ZDHHC24: variants seen among roughly 807,000 people sequenced by gnomAD.
ZDHHC24 encodes the protein probable palmitoyltransferase ZDHHC24.
Under a neutral mutation model 23.2 loss-of-function variants are expected in ZDHHC24, and 17 were observed. The ratio of observed to expected loss-of-function variants is 0.73; its 90% confidence interval spans 0.50 to 1.10. The LOEUF (loss-of-function observed/expected upper bound fraction) is 1.10, where lower values mean the gene tolerates loss of function less well. Among genes scored for constraint, ZDHHC24 ranks in the 50% least tolerant of loss-of-function variants. ZDHHC24 has a pLI of 0.00. For synonymous variants in ZDHHC24, 186 were observed against 194.5 expected (o/e 0.96, Z 0.36); for missense variants, 366 against 393.0 (o/e 0.93, Z 0.58).
rs759906266 is a variant in ZDHHC24 at position 66,545,730 on chromosome 11, C to T, written c.274G>A (p.Gly92Ser). The T allele has an allele frequency of 1.3e-6, 2 of 1,571,244 alleles. No homozygotes were observed. The highest frequency in any genetic ancestry group is 1.8e-5 in the Admixed American group (1 of 55,982). Reference protein sequence around the residue: ...VMLAGRGLGQGWAYCYQCQSQ... With the variant: ...VMLAGRGLGQSWAYCYQCQSQ... ...ATCCCGCACCCCACTCACGCCCAGC[C>T]CTGGCCCAGACCGCGGCCGGCCAGC... The change falls in exon 1 of 3, where the codon GGC (glycine) becomes AGC (serine). Residue 92 changes from glycine (G) to serine (S), a missense_variant. Coordinates refer to ENST00000310442, the MANE Select transcript of ZDHHC24 (RefSeq NM_207340.3). The surrounding 1 kb of genome is among the most constrained non-coding windows in gnomAD (Gnocchi z 4.5).
chr11:66,526,296 G>C, intron 4 of ZDHHC24: 1 of 1,220,730 alleles, frequency 8.2e-7, no homozygotes, highest in South Asian at 1.3e-5. Flanking sequence ...GGGTGGACCT[G>C]GGTGTGGAAA....
downstream of ZDHHC24, chr11:66,520,641 T>C (rs1278980219): frequency 1.2e-5 from 2 of 161,062 alleles, no homozygotes; most frequent in South Asian, 3.4e-4. Flanking sequence ...TACCATAATT[T>C]ATTTACCCTG....
At position 66,543,942 on chromosome 11, in the gene ZDHHC24, G is replaced by T. The variant is rs767938074; in HGVS notation, c.321C>A (p.Ser107Arg). Residue 107 changes from serine (S) to arginine (R), a missense_variant, in exon 2 of 3, where the codon AGC becomes AGA. Physicochemically the swap from Ser to Arg is moderately radical, Grantham distance 110 (BLOSUM62 -1). Coordinates refer to ENST00000310442, the MANE Select transcript of ZDHHC24 (RefSeq NM_207340.3). Reference protein sequence around the residue: ...YQCQSQVPPRSGHCSACRVCI... With the variant: ...YQCQSQVPPRRGHCSACRVCI... ...AGACGCGGCAGGCAGAGCAGTGTCC[G>T]CTGCGTGGCGGCACCTGGCTTTGGC... 6.2e-7 allele frequency: 1 copy of T among 1,613,660 alleles called. No individual in the cohort carries two copies.
chr11:66,542,767 A>G, intron 2 of ZDHHC24: 1 of 153,066 alleles, frequency 6.5e-6, no homozygotes, highest in Non-Finnish European at 1.5e-5. Flanking sequence ...GTCTTCCGTG[A>G]CTGAGGGGAG....
chr11:66,526,533 G>A (rs1856501444), intron 4 of ZDHHC24: 2 of 1,308,530 alleles, frequency 1.5e-6, no homozygotes, highest in Non-Finnish European at 2.2e-6. Flanking sequence ...GTCTCGTCTG[G>A]AAGACGGATG....
At chr11:66,526,052 C>T (rs1856474267) in intron 4 of ZDHHC24, 1 of 1,412,590 alleles carries the variant, frequency 7.1e-7, no homozygotes, top group South Asian at 1.2e-5. Flanking sequence ...CTGGGGCCTC[C>T]CCTACCCATC....
rs757340465 is a variant in ZDHHC24 at position 66,539,565 on chromosome 11, G to A, written c.819C>T (p.Phe273=). 1.9e-6 allele frequency: 3 copies of A among 1,606,538 alleles called. No individual in the cohort carries two copies. The highest frequency in any genetic ancestry group is 2.6e-6 in the Non-Finnish European group (3 of 1,176,064). ...TGTGTCCCACATCTGCTGTGGTCTG[G>A]AAGGTGATCCCATCCCCAGGCAATG... The part of the protein sequence containing the change: ...ASPLPGDGIT[F]QTTADVGHTA... The change falls in exon 3 of 3, where the codon TTC becomes TTT. Residue 273 remains phenylalanine (F), a synonymous_variant. Transcript: ENST00000310442.
Position 66,543,731 on chromosome 11 carries a change from G to A in ZDHHC24, c.532C>T (p.Leu178=), listed in dbSNP as rs1229072142. Residue 178 remains leucine, a synonymous_variant, in exon 2 of 3, where the codon CTG becomes TTG. Transcript: ENST00000310442. ...HTPLHMAALL[L]LPWLMLLTGR... ...GTGAGCAACATGAGCCAGGGAAGCA[G>A]GAGGAGGGCAGCCATGTGGAGGGGC... 2 of 1,597,620 alleles carry A rather than the reference G, an allele frequency of 1.3e-6. No individual in the cohort carries two copies. The highest frequency in any genetic ancestry group is 1.1e-5 in the South Asian group (1 of 89,440).
chr11:66,544,287 ACT>A (rs1260084247), intron 1 of ZDHHC24, among the ~76,000 whole-genome samples: 2 of 151,720 alleles, frequency 1.3e-5, no homozygotes, highest in African/African-American at 4.9e-5. Context: ...GTCACTAGGA[ACT>A]CTCTGGATTA....
intron 4 of ZDHHC24, among the ~76,000 whole-genome samples, chr11:66,521,930 AG>A (rs1207054911): frequency 2.4e-5 from 3 of 123,472 alleles, no homozygotes; most frequent in East Asian, 5.4e-4. Flanking sequence ...AAAAAAAAGC[AG>A]GGGGGTGCCG....
In ZDHHC24 at chr11:66,523,860, T is replaced by C. The variant is rs540217506; in HGVS notation, c.*22-2394A>G. 5.8e-5 allele frequency: 94 copies of C among 1,613,504 alleles called. 1 individual carries two copies. The South Asian group carries it at 9.2e-4, about 16-fold the overall frequency. ...GTCCGCATTTATCGTGACAAGGCCC[T>C]GCTCAATGTCATCCACACCCCGGTG... On this transcript the variant is annotated intron_variant, in intron 4 of 4. Coordinates refer to the ZDHHC24 transcript ENST00000526986.
Position 66,523,492 on chromosome 11 carries a change from C to T in ZDHHC24, c.*22-2026G>A, listed in dbSNP as rs776322401. 9.3e-6 allele frequency: 15 copies of T among 1,614,008 alleles called. No homozygotes were observed. Among genetic ancestry groups the T allele is most frequent in the African/African-American group, 1.3e-5 (1 of 74,902 alleles). ...ACCCCAAGTACTGCATCGAGCTGAG[C>T]GCCCAGCCTGTGGGACTTATCCGGG... On this transcript the variant is annotated intron_variant, in intron 4 of 4. Coordinates refer to the ZDHHC24 transcript ENST00000526986.
rs1168306880 is a variant in ZDHHC24 at position 66,539,413 on chromosome 11, G to A, written c.*116C>T. ...GGCGGGCAGGGGCAAGGCCAAGGAA[G>A]GGGTGGAGTTGTCCAATGCAGATGT... On this transcript the variant is annotated 3_prime_UTR_variant, in exon 3 of 3. Coordinates refer to ENST00000310442, the MANE Select transcript of ZDHHC24 (RefSeq NM_207340.3). 7.2e-7 allele frequency: 1 copy of A among 1,387,464 alleles called. No homozygotes were observed. The highest frequency in any genetic ancestry group is 9.3e-7 in the Non-Finnish European group (1 of 1,073,330). 85.9% of individuals were successfully genotyped at this position (1,387,464 alleles called of 1,614,324 possible).
At chr11:66,521,945 G>T (rs1423011524) in intron 4 of ZDHHC24, among the ~76,000 whole-genome samples, 1 of 144,300 alleles carries the variant, frequency 6.9e-6, no homozygotes, top group South Asian at 2.2e-4. Flanking sequence ...GGTGCCGGGT[G>T]CATTGCCTCA....
downstream of ZDHHC24, among the ~76,000 whole-genome samples, chr11:66,534,883 A>G (rs761478434): frequency 7.9e-5 from 12 of 151,460 alleles, no homozygotes; most frequent in Non-Finnish European, 1.3e-4. Context: ...TTTTAGTAGA[A>G]ACAGCGTTTC....
At chr11:66,534,499 A>G (rs1358371274), downstream of ZDHHC24, among the ~76,000 whole-genome samples, 1 of 150,888 alleles carries the variant, frequency 6.6e-6, no homozygotes, top group Admixed American at 6.6e-5. Flanking sequence ...GAAAAGAAAA[A>G]AAAAAAAGTC....
At chr11:66,521,195 CAG>C in exon 5 of ZDHHC24, 1 of 1,097,868 alleles carries the variant, frequency 9.1e-7, no homozygotes, top group Non-Finnish European at 1.4e-6. Context: ...GGCACTCACT[CAG>C]AGGAGTTACT....
chr11:66,524,842 G>A (rs1456497725), intron 4 of ZDHHC24, among the ~76,000 whole-genome samples: 2 of 151,802 alleles, frequency 1.3e-5, no homozygotes, highest in Non-Finnish European at 1.5e-5. Flanking sequence ...TGAGGCAGGC[G>A]ATCACAGTTC....
chr11:66,540,658 G>A (rs546619018), intron 2 of ZDHHC24, among the ~76,000 whole-genome samples: 20 of 151,956 alleles, frequency 1.3e-4, no homozygotes, highest in African/African-American at 4.8e-4. Context: ...AACCCGGGAG[G>A]TGGAGGCTGC....
Sources: gnomAD v4.1 joint callset for allele counts (sites outside exome capture counted in the v4.1 genomes callset) on GRCh38, gnomAD v4.1.1 for gene constraint, Gnocchi (gnomAD v3.1) non-coding constraint, MANE v1.5 for transcripts, NCBI Gene and HGNC (gene_info 2026-07-23, HGNC 2026-07-21) for gene names.